The following USH2A variants were observed in gnomAD, a reference collection of about 807,000 sequenced individuals.
The protein encoded by USH2A is usherin, also known as Usher syndrome 2A (autosomal recessive, mild).
In USH2A, 443 loss-of-function variants were observed where a neutral mutation model predicts 538.9. The observed-to-expected ratio is 0.82, with a 90% CI of 0.76 to 0.89. The LOEUF is 0.89. Ranked by LOEUF, USH2A falls within the 40% of genes least tolerant of loss-of-function variation. The pLI is 0.00. For synonymous variants in USH2A, 2,413 were observed against 2,273.5 expected (o/e 1.06, Z -1.75); for missense variants, 6,633 against 6,324.8 (o/e 1.05, Z -1.65).
intron 2 of USH2A, among the ~76,000 whole-genome samples, chr1:216,420,141 T>C (rs2039651458): frequency 2.0e-5 from 3 of 151,902 alleles, no homozygotes; most frequent in Non-Finnish European, 4.4e-5. Flanking sequence ...TCCCTACCCA[T>C]CAGGTCTTAA....
intron 38 of USH2A, among the ~76,000 whole-genome samples, chr1:215,925,747 G>T (rs749228823): frequency 6.6e-6 from 1 of 152,010 alleles, no homozygotes; most frequent in Non-Finnish European, 1.5e-5. Flanking sequence ...CAATTTTTAA[G>T]ATATCCCATT....
At chr1:216,217,327 A>G in intron 15 of USH2A, 60 bp downstream of exon 15, 1 of 1,598,526 alleles carries the variant, frequency 6.3e-7, no homozygotes, top group East Asian at 2.3e-5. Flanking sequence ...GAAAACAATG[A>G]GATGCAGTCC....
intron 32 of USH2A, among the ~76,000 whole-genome samples, chr1:216,015,190 T>C (rs372741911): frequency 8.5e-5 from 13 of 152,316 alleles, no homozygotes; most frequent in African/African-American, 3.1e-4. Flanking sequence ...TGCTATTTGG[T>C]ATTCCAACCT....
chr1:216,239,104 G>GA (rs59434332), intron 13 of USH2A, among the ~76,000 whole-genome samples: 33,049 of 140,854 alleles, frequency 0.23, 4,128 homozygotes, highest in Non-Finnish European at 0.29. Context: ...ATAAAACCAG[G>GA]AAAAAAAAAA....
intron 37 of USH2A, among the ~76,000 whole-genome samples, chr1:215,943,459 A>C (rs1259138763): frequency 6.6e-6 from 1 of 152,182 alleles, no homozygotes; most frequent in Non-Finnish European, 1.5e-5. Flanking sequence ...AGAAACTCTA[A>C]CAATCAGGGA....
At chr1:215,928,330 A>G (rs145696386) in intron 38 of USH2A, among the ~76,000 whole-genome samples, 2 of 152,316 alleles carry the variant, frequency 1.3e-5, no homozygotes, top group African/African-American at 4.8e-5. Context: ...ATTGTCATGT[A>G]AGGAAAGATT....
chr1:216,250,118 A>G (rs1432785993), intron 12 of USH2A, among the ~76,000 whole-genome samples: 10 of 152,158 alleles, frequency 6.6e-5, no homozygotes, highest in Admixed American at 2.6e-4. Context: ...TTCAAAGTGC[A>G]TTATGAACAT....
chr1:216,282,017 T>G (rs992396858), intron 11 of USH2A, among the ~76,000 whole-genome samples: 1 of 152,086 alleles, frequency 6.6e-6, no homozygotes, highest in Non-Finnish European at 1.5e-5. Context: ...TAGAGAAATA[T>G]CTATTCAGAT....
At chr1:216,323,851 C>T (rs2037669466) in intron 7 of USH2A, among the ~76,000 whole-genome samples, 156 bp from the exon 8 acceptor site, 1 of 152,034 alleles carries the variant, frequency 6.6e-6, no homozygotes, top group Admixed American at 6.6e-5. Context: ...ATAAACAATA[C>T]AGGATTATCA....
chr1:215,981,068 A>T (rs1049200462), intron 35 of USH2A, among the ~76,000 whole-genome samples: 1 of 152,096 alleles, frequency 6.6e-6, no homozygotes, highest in African/African-American at 2.4e-5. Flanking sequence ...GTGAGTTCTC[A>T]TTGTTCTATA....
chr1:216,386,565 ATG>A (rs2039012399), intron 3 of USH2A, among the ~76,000 whole-genome samples: 1 of 128,834 alleles, frequency 7.8e-6, no homozygotes, highest in Non-Finnish European at 1.7e-5. Flanking sequence ...ATATATATAT[ATG>A]CTGGGTGTGG....
chr1:216,217,925 A>G (rs2035375852), intron 14 of USH2A, among the ~76,000 whole-genome samples: 2 of 152,096 alleles, frequency 1.3e-5, no homozygotes, highest in South Asian at 2.1e-4. Flanking sequence ...TCAGCTAAAC[A>G]TTTAGATTAG....
At chr1:215,697,773 G>A (rs944234853) in intron 61 of USH2A, among the ~76,000 whole-genome samples, 4 of 151,972 alleles carry the variant, frequency 2.6e-5, no homozygotes, top group East Asian at 3.9e-4. Flanking sequence ...TGCCCACTTC[G>A]GACTCCCAAA....
chr1:215,822,754 T>C (rs1361251697), intron 47 of USH2A, among the ~76,000 whole-genome samples: 1 of 151,984 alleles, frequency 6.6e-6, no homozygotes. Flanking sequence ...GCCATAGGTT[T>C]GTCATACATG....
chr1:215,926,233 A>C (rs1666234856), intron 38 of USH2A, among the ~76,000 whole-genome samples: 1 of 127,102 alleles, frequency 7.9e-6, no homozygotes, highest in Middle Eastern at 4.1e-3. Flanking sequence ...AAAAAAAAAA[A>C]TACCATTCTC....
intron 13 of USH2A, among the ~76,000 whole-genome samples, chr1:216,234,698 C>G (rs148064375): frequency 6.6e-6 from 1 of 152,028 alleles, no homozygotes; most frequent in Non-Finnish European, 1.5e-5. Context: ...TTTAGACTTA[C>G]TGCAATAGCT....
At chr1:216,363,660 T>C (rs1413263647) in intron 4 of USH2A, among the ~76,000 whole-genome samples, 1 of 151,976 alleles carries the variant, frequency 6.6e-6, no homozygotes, top group African/African-American at 2.4e-5. Context: ...AACTGCTAAT[T>C]GCACTGAAAC....
chr1:216,021,608 C>T (rs1490992767), intron 32 of USH2A, among the ~76,000 whole-genome samples: 1 of 152,170 alleles, frequency 6.6e-6, no homozygotes, highest in Non-Finnish European at 1.5e-5. Flanking sequence ...CCCTGGATAT[C>T]TAGCCTGCTA....
intron 62 of USH2A, among the ~76,000 whole-genome samples, chr1:215,679,191 T>C (rs1325535290): frequency 6.6e-6 from 1 of 152,214 alleles, no homozygotes; most frequent in Non-Finnish European, 1.5e-5. Context: ...TTACAGTTCT[T>C]AGTTATTGCT....
Sources: allele counts gnomAD v4.1 joint callset (sites outside exome capture counted in the v4.1 genomes callset), GRCh38; gene constraint gnomAD v4.1.1; transcripts MANE v1.5; gene names NCBI Gene and HGNC (gene_info 2026-07-23, HGNC 2026-07-21).